ACSL3: variants seen among roughly 807,000 people sequenced by gnomAD.
ACSL3 encodes fatty acid CoA ligase Acsl3.
Under a neutral mutation model 84.7 loss-of-function variants are expected in ACSL3, and 34 were observed. The ratio of observed to expected loss-of-function variants is 0.40; its 90% CI spans 0.31 to 0.53. The LOEUF (loss-of-function observed/expected upper bound fraction) is 0.53. ACSL3 is among the 20% of genes least tolerant of loss of function. The probability of loss-of-function intolerance (pLI) is 0.48; values close to 1 mark genes in which losing one functional copy is unlikely to be tolerated. For missense variants in ACSL3, 680 were observed against 873.1 expected (o/e 0.78, Z 2.79); for synonymous variants, 315 against 299.4 (o/e 1.05, Z -0.54).
intron 2 of ACSL3, among the ~76,000 whole-genome samples, chr2:222,890,177 T>C (rs1695810973): frequency 6.6e-6 from 1 of 152,250 alleles, no homozygotes. Flanking sequence ...TCTAATTATA[T>C]GTTATTTTCC....
intron 14 of ACSL3, chr2:222,932,937 CAAA>C (rs1185693067): frequency 9.7e-3 from 39 of 4,000 alleles, no homozygotes; most frequent in South Asian, 0.045. Flanking sequence ...GACTCCGTCT[CAAA>C]AAAAAAAAAA....
rs1454741123 is a variant in ACSL3 at position 222,934,795 on chromosome 2, A to G, written c.2005+108A>G. The G allele has an allele frequency of 5.0e-6, 6 of 1,199,800 alleles. No homozygotes were observed. In the Admixed American group the frequency reaches 1.2e-4, roughly 23 times the overall value. 74.3% of individuals were successfully genotyped at this position (1,199,800 alleles called of 1,614,324 possible). ...GTTCATTACTTTCTGCTCAGAAACCATTTCTACCGTTAGTATATGGAAGAG... is the reference window on the plus strand; with the variant it reads ...GTTCATTACTTTCTGCTCAGAAACCGTTTCTACCGTTAGTATATGGAAGAG... On this transcript the variant is annotated intron_variant, in intron 16 of 16. Transcript: ENST00000357430.
At chr2:222,910,041 T>C (rs571696249) in intron 4 of ACSL3, among the ~76,000 whole-genome samples, 2 of 152,306 alleles carry the variant, frequency 1.3e-5, no homozygotes, top group Admixed American at 1.3e-4. Flanking sequence ...CTTGTGAGGA[T>C]TGAGTGTGTG....
intron 1 of ACSL3, among the ~76,000 whole-genome samples, chr2:222,870,029 G>A (rs765268610): frequency 2.0e-5 from 3 of 152,040 alleles, no homozygotes; most frequent in African/African-American, 4.8e-5. Flanking sequence ...GGTCTGGCCC[G>A]AGTTGTTTGT....
intron 3 of ACSL3, among the ~76,000 whole-genome samples, chr2:222,905,875 T>G (rs949564638): frequency 6.6e-6 from 1 of 152,126 alleles, no homozygotes; most frequent in Non-Finnish European, 1.5e-5. Flanking sequence ...TCTTTTTTTT[T>G]TTTTCCAGAG....
intron 5 of ACSL3, 153 bp from the exon 6 acceptor site, chr2:222,917,893 A>G (rs2106125555): frequency 2.2e-6 from 1 of 463,236 alleles, no homozygotes; most frequent in Non-Finnish European, 3.8e-6. Flanking sequence ...GATTAGTATG[A>G]TAAGATAACT....
intron 2 of ACSL3, among the ~76,000 whole-genome samples, chr2:222,893,171 G>A (rs1039381695): frequency 1.3e-5 from 2 of 152,122 alleles, no homozygotes; most frequent in Non-Finnish European, 2.9e-5. Flanking sequence ...AAGATGCACC[G>A]TCTGCAGTAT....
In ACSL3 at chr2:222,889,027, A is replaced by G. The variant is rs114106591; in HGVS notation, c.-148+1139A>G. 6.0e-3 allele frequency among the ~76,000 whole-genome samples: 917 copies of G among 152,350 alleles called. 11 individuals carry two copies. The highest frequency in any genetic ancestry group is 0.021 in the African/African-American group (853 of 41,576). The stretch of plus-strand genomic sequence containing the variant: ...TAGTTAATGGGTTATGGGAACTCCA[A>G]ACTTTGAATTCTTAGCTAAGAATGC... On this transcript the variant is annotated intron_variant, in intron 2 of 16. Coordinates refer to ENST00000357430, the MANE Select transcript of ACSL3 (RefSeq NM_004457.5).
rs959807635 is a variant in ACSL3 at position 222,933,298 on chromosome 2, A to C, written c.1847+18A>C. On this transcript the variant is annotated intron_variant, in intron 15 of 16. Transcript: ENST00000357430. ...GCAAACAGGTAAGAACGTGGAATTC[A>C]TACTACTTTTACTTAAAATATTTGA... is the stretch of plus-strand genomic sequence containing the variant. The C allele has an allele frequency of 2.6e-6, 4 of 1,542,370 alleles. No homozygotes were observed. In the Admixed American group the frequency reaches 5.1e-5, roughly 20 times the overall value.
intron 1 of ACSL3, among the ~76,000 whole-genome samples, chr2:222,864,326 C>T (rs1344883762): frequency 6.6e-6 from 1 of 151,804 alleles, no homozygotes; most frequent in Non-Finnish European, 1.5e-5. Flanking sequence ...GTTTTGAAGA[C>T]CTCCATGTAG....
At chr2:222,924,634 A>G (rs1696827618) in intron 11 of ACSL3, 39 bp downstream of exon 11, 1 of 1,538,794 alleles carries the variant, frequency 6.5e-7, no homozygotes, top group African/African-American at 1.4e-5. Context: ...TCTCCTCTTG[A>G]TAATTTAATC....
intron 2 of ACSL3, among the ~76,000 whole-genome samples, chr2:222,892,281 AG>A (rs1695860258): frequency 6.6e-6 from 1 of 152,136 alleles, no homozygotes; most frequent in South Asian, 2.1e-4. Context: ...TTTTTTCGGG[AG>A]GGAGGCAGCA....
At chr2:222,911,528 A>AGTCTAAGCATATAT (rs1386537546) in intron 4 of ACSL3, among the ~76,000 whole-genome samples, 1 of 152,176 alleles carries the variant, frequency 6.6e-6, no homozygotes, top group Non-Finnish European at 1.5e-5. Context: ...ATTCTCTTTT[A>AGTCTAAGCATATAT]GTCTAAGCAT....
At chr2:222,879,857 G>A (rs182362471) in intron 1 of ACSL3, among the ~76,000 whole-genome samples, 1 of 152,202 alleles carries the variant, frequency 6.6e-6, no homozygotes, top group East Asian at 1.9e-4. Flanking sequence ...GACATCACTG[G>A]AGACTGTTTC....
Position 222,933,286 on chromosome 2 carries a change from A to C in ACSL3, c.1847+6A>C. 1 of 1,586,604 alleles carries C rather than the reference A, an allele frequency of 6.3e-7. No homozygotes were observed. Among genetic ancestry groups the C allele is most frequent in the Non-Finnish European group, 8.6e-7 (1 of 1,158,030 alleles). On this transcript the variant is annotated splice_donor_region_variant and intron_variant, in intron 15 of 16. Coordinates refer to ENST00000357430, the MANE Select transcript of ACSL3 (RefSeq NM_004457.5). ...ATTTGTGCATATGCAAACAGGTAAGAACGTGGAATTCATACTACTTTTACT... is the reference window on the plus strand; with the variant it reads ...ATTTGTGCATATGCAAACAGGTAAGCACGTGGAATTCATACTACTTTTACT...
chr2:222,919,120 A>G lies in ACSL3; in HGVS notation c.723A>G (p.Pro241=), dbSNP rs1270536300. 1 of 1,614,174 alleles carries G rather than the reference A, an allele frequency of 6.2e-7. No individual in the cohort carries two copies. Among genetic ancestry groups the G allele is most frequent in the Admixed American group, 1.7e-5 (1 of 60,022 alleles). Residue 241 remains proline, a synonymous_variant, in exon 7 of 17, where the codon CCA becomes CCG. Transcript: ENST00000357430. The stretch of plus-strand genomic sequence containing the variant: ...ACATCATCACTGTTGATGGAAAGCC[A>G]CCGACCTGGTCCGAGTTCCCCAAGG... ...LRHIITVDGK[P]PTWSEFPKGI... is the part of the protein sequence containing the mutation.
chr2:222,907,989 A>G (rs764067063), intron 3 of ACSL3, among the ~76,000 whole-genome samples: 5 of 152,152 alleles, frequency 3.3e-5, no homozygotes, highest in Non-Finnish European at 7.3e-5. Context: ...TGGCACGTAC[A>G]CATGCATGCA....
intron 4 of ACSL3, among the ~76,000 whole-genome samples, chr2:222,915,613 A>G: frequency 6.6e-6 from 1 of 152,212 alleles, no homozygotes; most frequent in East Asian, 1.9e-4. Context: ...TTCAAAAGGG[A>G]GTTTTTACTA....
chr2:222,881,861 A>G (rs983473012), intron 1 of ACSL3, among the ~76,000 whole-genome samples: 11 of 152,100 alleles, frequency 7.2e-5, no homozygotes, highest in African/African-American at 2.4e-4. Context: ...TTCCCCTCCT[A>G]CTTATGCCTG....
Sources: allele counts gnomAD v4.1 joint callset (sites outside exome capture counted in the v4.1 genomes callset), GRCh38; gene constraint gnomAD v4.1.1; transcripts MANE v1.5; gene names NCBI Gene and HGNC (gene_info 2026-07-23, HGNC 2026-07-21).